Variants in TAF11 observed in about 807,000 individuals in gnomAD.
TAF11 encodes the protein TATA-box binding protein associated factor 11.
A neutral mutation model predicts 23.0 loss-of-function variants in TAF11; 10 were observed. The observed-to-expected ratio is 0.43, with a 90% CI of 0.27 to 0.74. The LOEUF is 0.74. Among genes scored for constraint, TAF11 ranks in the 30% least tolerant of loss-of-function variants. TAF11 has a pLI of 0.19. For synonymous variants in TAF11, 85 were observed against 95.8 expected, an observed-to-expected ratio of 0.89 and a Z score of 0.66; for missense variants, 196 against 261.7, an observed-to-expected ratio of 0.75 and a Z score of 1.73.
rs374201926 is a variant in TAF11 at position 34,880,263 on chromosome 6, G to T, written c.408+26C>A. ...GAGTTCAGTTCTAAAACGTGATGGA[G>T]ATGAAGTGTGGTGGTCCATCCTTAC... On this transcript the variant is annotated intron_variant, in intron 3 of 4. Transcript: ENST00000361288. This position sits in a 1 kb window ranked among gnomAD's most constrained non-coding sequence, Gnocchi z 4.8. 9 of 1,611,058 alleles carry T rather than the reference G, an allele frequency of 5.6e-6. No homozygotes were observed. The African/African-American group carries it at 1.2e-4, about 22-fold the overall frequency.
intron 1 of TAF11, among the ~76,000 whole-genome samples, chr6:34,886,227 C>T (rs369366755): frequency 3.3e-5 from 5 of 151,912 alleles, no homozygotes; most frequent in Non-Finnish European, 1.5e-5. Flanking sequence ...ATTGCTTGAG[C>T]CCAGGAGGCA....
At chr6:34,881,733 A>G (rs1766428975) in intron 2 of TAF11, among the ~76,000 whole-genome samples, 1 of 152,008 alleles carries the variant, frequency 6.6e-6, no homozygotes, top group African/African-American at 2.4e-5. Context: ...ATCTGGCTCT[A>G]TCGCCCAGGC....
intron 2 of TAF11, among the ~76,000 whole-genome samples, chr6:34,881,887 G>C (rs1397045431): frequency 6.6e-6 from 1 of 151,048 alleles, no homozygotes; most frequent in Non-Finnish European, 1.5e-5. Flanking sequence ...TAGTAGAGAC[G>C]GGGTTTCACC....
intron 1 of TAF11, among the ~76,000 whole-genome samples, chr6:34,886,392 CAA>C (rs1179175097): frequency 9.0e-6 from 1 of 110,554 alleles, no homozygotes. Context: ...AAACAAAAAA[CAA>C]AAAACAAAAA....
intron 4 of TAF11, 199 bp downstream of exon 4, chr6:34,879,768 A>T (rs1404143204): frequency 4.1e-6 from 4 of 985,328 alleles, no homozygotes; most frequent in Non-Finnish European, 4.8e-6. Flanking sequence ...GGGATTTCCC[A>T]GATGGTTCCT....
At chr6:34,886,195 C>G (rs917204412) in intron 1 of TAF11, among the ~76,000 whole-genome samples, 1 of 151,654 alleles carries the variant, frequency 6.6e-6, no homozygotes, top group Admixed American at 6.6e-5. Flanking sequence ...GTCCCAGTTA[C>G]TGGGGAGGCT....
At position 34,878,333 on chromosome 6, in the gene TAF11, C is replaced by T. The variant is rs1766349747; in HGVS notation, c.*257G>A. On this transcript the variant is annotated 3_prime_UTR_variant, in exon 5 of 5. Transcript: ENST00000361288. ...CTGTCCAGAAGATGCTTATGGCCCA[C>T]GTATCTTCTTCCAACTGGTCAAGAC... 4 of 424,818 alleles carry T rather than the reference C, an allele frequency of 9.4e-6. No individual in the cohort carries two copies. The highest frequency in any genetic ancestry group is 2.0e-5 in the African/African-American group (1 of 50,906). 26.3% of individuals were successfully genotyped at this position (424,818 alleles called of 1,614,324 possible).
chr6:34,879,815 C>G, intron 4 of TAF11, 152 bp downstream of exon 4: 1 of 1,435,358 alleles, frequency 7.0e-7, no homozygotes, highest in Non-Finnish European at 9.1e-7. Flanking sequence ...GAATAACAGT[C>G]ATGTTCTCCT....
chr6:34,879,594 TCC>T (rs1043715885), intron 4 of TAF11: 92 of 984,956 alleles, frequency 9.3e-5, no homozygotes, highest in Admixed American at 7.4e-4. Context: ...GTCAGGCAGT[TCC>T]TAGGGATCAC....
At chr6:34,879,635 C>G (rs1343960204) in intron 4 of TAF11, 1 of 985,214 alleles carries the variant, frequency 1.0e-6, no homozygotes, top group African/African-American at 1.7e-5. Context: ...CCATCCCACA[C>G]AGGTCACCCC....
chr6:34,879,102 T>G (rs555820804), intron 4 of TAF11, among the ~76,000 whole-genome samples: 7 of 152,230 alleles, frequency 4.6e-5, no homozygotes, highest in Non-Finnish European at 8.8e-5. Flanking sequence ...CTACTCAGAC[T>G]GAGGCAGGAG....
At chr6:34,886,905 T>C (rs904016246) in intron 1 of TAF11, among the ~76,000 whole-genome samples, 4 of 152,146 alleles carry the variant, frequency 2.6e-5, no homozygotes, top group African/African-American at 4.8e-5. Context: ...AGATTCTACT[T>C]CTAGAAATGT....
intron 1 of TAF11, among the ~76,000 whole-genome samples, chr6:34,886,921 T>C (rs776527007): frequency 1.7e-4 from 26 of 152,200 alleles, no homozygotes; most frequent in Admixed American, 6.5e-4. Flanking sequence ...AATGTAATCC[T>C]GAGAACGATG....
At position 34,878,598 on chromosome 6, in the gene TAF11, AGAT is replaced by A. The variant is rs766278326; in HGVS notation, c.625_627del (p.Ile209del). ...CCTTTCTAGACTTTGGTCTAGAAGA[AGAT>A]GATTTTTTTGTGCTTCGAGTTAGGG... On this transcript the variant is annotated inframe_deletion, in exon 5 of 5. Coordinates refer to ENST00000361288, the MANE Select transcript of TAF11 (RefSeq NM_005643.4). 8 of 1,561,486 alleles carry A rather than the reference AGAT, an allele frequency of 5.1e-6. No homozygotes were observed. The African/African-American group carries it at 9.5e-5, about 19-fold the overall frequency.
chr6:34,877,982 GA>G lies in TAF11; in HGVS notation c.*607del, dbSNP rs1319852024. On this transcript the variant is annotated 3_prime_UTR_variant, in exon 5 of 5. Coordinates refer to ENST00000361288, the MANE Select transcript of TAF11 (RefSeq NM_005643.4). ...TCTTAGCAACTTCAGGCTTCAATGT[GA>G]AACCATTAAAGCCCTCAGCACTTTA... is the stretch of plus-strand genomic sequence containing the variant. 6.6e-6 allele frequency: 1 copy of G among 151,752 alleles called. No individual in the cohort carries two copies. The highest frequency in any genetic ancestry group is 1.5e-5 in the Non-Finnish European group (1 of 68,038). The allele number at this position is 151,752 out of a possible 1,614,324, so 9.4% of individuals were successfully genotyped here.
chr6:34,885,306 A>G (rs566384650), intron 1 of TAF11, among the ~76,000 whole-genome samples: 18 of 150,600 alleles, frequency 1.2e-4, no homozygotes, highest in African/African-American at 4.1e-4. Context: ...GTAAGGCTAT[A>G]TATTTTTCTT....
At chr6:34,882,527 C>G (rs1430026427) in intron 2 of TAF11, among the ~76,000 whole-genome samples, 1 of 151,808 alleles carries the variant, frequency 6.6e-6, no homozygotes, top group Non-Finnish European at 1.5e-5. Context: ...GCCTGTAGTC[C>G]CAGCTACTCG....
In TAF11 at chr6:34,878,584, T is replaced by A. The variant is rs1049214761; in HGVS notation, c.*6A>T. The stretch of plus-strand genomic sequence containing the variant: ...GTCAGTAACATAGGCCTTTCTAGAC[T>A]TTGGTCTAGAAGAAGATGATTTTTT... On this transcript the variant is annotated 3_prime_UTR_variant, in exon 5 of 5. Transcript: ENST00000361288. 2 of 1,457,520 alleles carry A rather than the reference T, an allele frequency of 1.4e-6. No individual in the cohort carries two copies. Among genetic ancestry groups the A allele is most frequent in the Non-Finnish European group, 1.9e-6 (2 of 1,037,478 alleles). The allele number at this position is 1,457,520 out of a possible 1,614,324, so 90.3% of individuals were successfully genotyped here. A position where few individuals can be genotyped will look rare whatever the true frequency, so the allele number is the denominator to read the frequency against.
chr6:34,878,793 G>T, intron 4 of TAF11, 73 bp from the exon 5 acceptor site: 1 of 1,330,844 alleles, frequency 7.5e-7, no homozygotes, highest in Non-Finnish European at 1.1e-6. Context: ...TTTGAGTCCT[G>T]TAATTCTTGT....
Sources: gnomAD v4.1 joint callset for allele counts (sites outside exome capture counted in the v4.1 genomes callset) on GRCh38, gnomAD v4.1.1 for gene constraint, Gnocchi (gnomAD v3.1) non-coding constraint, MANE v1.5 for transcripts, NCBI Gene and HGNC (gene_info 2026-07-23, HGNC 2026-07-21) for gene names.